Variants in WWC2 observed in about 807,000 individuals in gnomAD.
WWC2 encodes WW and C2 domain containing 2, also known as protein WWC2.
Under a neutral mutation model 138.5 loss-of-function variants are expected in WWC2, and 101 were observed. The observed-to-expected ratio is 0.73, with a 90% CI of 0.62 to 0.86. The LOEUF (loss-of-function observed/expected upper bound fraction) is 0.86, where lower values mean the gene tolerates loss of function less well. Ranked by LOEUF, WWC2 falls within the 40% of genes least tolerant of loss-of-function variation. The pLI, the probability that WWC2 is intolerant of heterozygous loss-of-function variation, is 0.00. For missense variants in WWC2, 1,420 were observed against 1,419.4 expected, an observed-to-expected ratio of 1.00 and a Z score of -0.01; for synonymous variants, 558 against 538.4, an observed-to-expected ratio of 1.04 and a Z score of -0.50.
chr4:183,276,228 TA>T (rs1737852871), intron 16 of WWC2, among the ~76,000 whole-genome samples: 1 of 152,106 alleles, frequency 6.6e-6, no homozygotes, highest in Admixed American at 6.6e-5. Context: ...GTATTCTACT[TA>T]TAAGCAGTAT....
At chr4:183,231,405 G>C (rs900477796) in intron 4 of WWC2, among the ~76,000 whole-genome samples, 3 of 151,498 alleles carry the variant, frequency 2.0e-5, no homozygotes, top group African/African-American at 7.3e-5. Flanking sequence ...GAGTAGCTGG[G>C]ATTACAGGCG....
At chr4:183,220,216 A>G (rs1735882249) in intron 4 of WWC2, among the ~76,000 whole-genome samples, 1 of 152,094 alleles carries the variant, frequency 6.6e-6, no homozygotes, top group South Asian at 2.1e-4. Flanking sequence ...CCAGATGACA[A>G]CTCAGCCTGG....
At chr4:183,263,345 A>G (rs961475669) in intron 11 of WWC2, among the ~76,000 whole-genome samples, 17 of 152,296 alleles carry the variant, frequency 1.1e-4, no homozygotes, top group African/African-American at 3.6e-4. Context: ...TCACCCACCC[A>G]GTAACCCTGA....
chr4:183,280,229 G>GTTTGTT (rs1738018820), intron 16 of WWC2, among the ~76,000 whole-genome samples: 1 of 65,430 alleles, frequency 1.5e-5, no homozygotes, highest in Non-Finnish European at 2.7e-5. Context: ...GATAGCAGCT[G>GTTTGTT]TTTTTTTTTT....
intron 1 of WWC2, among the ~76,000 whole-genome samples, chr4:183,184,781 G>A (rs994068616): frequency 6.6e-6 from 1 of 152,136 alleles, no homozygotes; most frequent in Admixed American, 6.5e-5. Flanking sequence ...AGAAAATGAA[G>A]GATAAAGAAA....
intron 1 of WWC2, among the ~76,000 whole-genome samples, chr4:183,185,233 C>G (rs752194707): frequency 2.0e-5 from 3 of 152,298 alleles, no homozygotes; most frequent in African/African-American, 7.2e-5. Flanking sequence ...GTTTCAGAAC[C>G]GCTACTGTAA....
chr4:183,208,452 T>C (rs1735506110), intron 3 of WWC2, among the ~76,000 whole-genome samples: 1 of 152,202 alleles, frequency 6.6e-6, no homozygotes, highest in African/African-American at 2.4e-5. Context: ...TGCAAGTAGT[T>C]TGGCCCTTTT....
At chr4:183,305,322 G>A (rs560921012) in intron 21 of WWC2, among the ~76,000 whole-genome samples, 1 of 152,104 alleles carries the variant, frequency 6.6e-6, no homozygotes, top group Admixed American at 6.5e-5. Context: ...AGAAAGACAA[G>A]GGAACAGAAG....
At chr4:183,287,414 A>C (rs569986312) in intron 20 of WWC2, among the ~76,000 whole-genome samples, 8 of 152,178 alleles carry the variant, frequency 5.3e-5, no homozygotes, top group Non-Finnish European at 1.0e-4. Context: ...TAAGCAGCTC[A>C]TACTCTCAGG....
chr4:183,223,060 T>TATG, intron 4 of WWC2, among the ~76,000 whole-genome samples: 1 of 152,362 alleles, frequency 6.6e-6, no homozygotes, highest in Non-Finnish European at 1.5e-5. Context: ...CCCATGAGAT[T>TATG]ATGATGCCAT....
chr4:183,099,731 G>A, intron 1 of WWC2, 109 bp downstream of exon 1: 2 of 1,068,596 alleles, frequency 1.9e-6, no homozygotes, highest in Non-Finnish European at 2.3e-6. Context: ...TGCCCCGAGG[G>A]GTCCCGGGAG....
chr4:183,106,666 T>G (rs991269036), intron 1 of WWC2, among the ~76,000 whole-genome samples: 10 of 152,330 alleles, frequency 6.6e-5, no homozygotes, highest in African/African-American at 2.2e-4. Flanking sequence ...TTTATATAAA[T>G]GGAATAGTAA....
At chr4:183,259,490 A>G in intron 9 of WWC2, 149 bp from the exon 10 acceptor site, 1 of 626,978 alleles carries the variant, frequency 1.6e-6, no homozygotes. Context: ...TGCCCCCCAC[A>G]CTTCTTGCCG....
chr4:183,315,005 A>G (rs1233199548), intron 22 of WWC2, among the ~76,000 whole-genome samples: 1 of 152,224 alleles, frequency 6.6e-6, no homozygotes, highest in Non-Finnish European at 1.5e-5. Flanking sequence ...CTTGCATGTA[A>G]TATGCCCTCA....
At chr4:183,217,197 A>G (rs546436835) in intron 4 of WWC2, among the ~76,000 whole-genome samples, 19 of 152,338 alleles carry the variant, frequency 1.2e-4, no homozygotes, top group African/African-American at 3.8e-4. Context: ...AGAATGTAAA[A>G]TTCACAATGG....
chr4:183,254,090 G>C, intron 9 of WWC2, 91 bp downstream of exon 9: 1 of 1,511,896 alleles, frequency 6.6e-7, no homozygotes, highest in Non-Finnish European at 8.8e-7. Context: ...AATCTCAATT[G>C]CATCTGTTCT....
chr4:183,248,692 A>G (rs1560865533), intron 6 of WWC2, 22 bp from the exon 7 acceptor site: 3 of 1,558,614 alleles, frequency 1.9e-6, no homozygotes, highest in Non-Finnish European at 2.6e-6. Flanking sequence ...GCTTTATGAA[A>G]CACTTTGTGT....
At chr4:183,119,082 T>C (rs1319161110) in intron 1 of WWC2, among the ~76,000 whole-genome samples, 2 of 152,176 alleles carry the variant, frequency 1.3e-5, no homozygotes, top group Non-Finnish European at 2.9e-5. Context: ...TATTTGATTC[T>C]GTTGTGTGAT....
chr4:183,298,489 C>T (rs1008402705), intron 21 of WWC2, among the ~76,000 whole-genome samples: 1 of 152,178 alleles, frequency 6.6e-6, no homozygotes, highest in African/African-American at 2.4e-5. Flanking sequence ...CCCATGAGTG[C>T]TTGTGGTGTC....
Sources: allele counts gnomAD v4.1 joint callset (sites outside exome capture counted in the v4.1 genomes callset), GRCh38; gene constraint gnomAD v4.1.1; transcripts MANE v1.5; gene names NCBI Gene and HGNC (gene_info 2026-07-23, HGNC 2026-07-21).